FKBP1B: variants seen among roughly 807,000 people sequenced by gnomAD.
FKBP1B encodes the protein FKBP prolyl isomerase 1B.
Under a neutral mutation model 13.5 loss-of-function variants are expected in FKBP1B, and 4 were observed. The ratio of observed to expected loss-of-function variants is 0.30; its 90% CI spans 0.15 to 0.68. The LOEUF (loss-of-function observed/expected upper bound fraction) is 0.68, where lower values mean the gene tolerates loss of function less well. Among genes scored for constraint, FKBP1B ranks in the 30% least tolerant of loss-of-function variants. FKBP1B has a pLI of 0.76. For synonymous variants in FKBP1B, 54 were observed against 53.6 expected (o/e 1.01, Z -0.03); for missense variants, 93 against 136.2 (o/e 0.68, Z 1.58).
chr2:24,051,121 G>A (rs1410535087), intron 1 of FKBP1B, among the ~76,000 whole-genome samples: 5 of 152,106 alleles, frequency 3.3e-5, no homozygotes, highest in Non-Finnish European at 5.9e-5. Flanking sequence ...GGATCACAAG[G>A]TCAGGAGTTC....
chr2:24,034,852 G>A, the FKBP1B span, among the ~76,000 whole-genome samples: 11 of 151,992 alleles, frequency 7.2e-5, no homozygotes, highest in African/African-American at 2.2e-4. Context: ...TGGGGTTACA[G>A]GTTTAAGCCA....
intron 2 of FKBP1B, among the ~76,000 whole-genome samples, chr2:24,060,124 AG>A (rs1664317317): frequency 3.0e-5 from 4 of 134,044 alleles, no homozygotes; most frequent in African/African-American, 9.2e-5. Context: ...TTGTGTTTAA[AG>A]AAAAAAAAAA....
intron 2 of FKBP1B, among the ~76,000 whole-genome samples, chr2:24,060,390 A>G (rs1018390080): frequency 6.6e-6 from 1 of 152,130 alleles, no homozygotes; most frequent in Non-Finnish European, 1.5e-5. Flanking sequence ...TGTTTCTACT[A>G]AAAATACAAA....
At chr2:24,052,823 T>C (rs948416591) in intron 1 of FKBP1B, among the ~76,000 whole-genome samples, 1 of 151,894 alleles carries the variant, frequency 6.6e-6, no homozygotes, top group Admixed American at 6.6e-5. Context: ...TTAAAAAAAT[T>C]AGCTGGGCAT....
upstream of FKBP1B, among the ~76,000 whole-genome samples, chr2:24,047,672 G>A (rs1433278497): frequency 1.3e-5 from 2 of 152,114 alleles, no homozygotes; most frequent in African/African-American, 4.8e-5. Flanking sequence ...CCCACTTCTC[G>A]TCGGTTCTCT....
intron 1 of FKBP1B, 84 bp downstream of exon 1, chr2:24,049,970 T>C: frequency 8.7e-7 from 1 of 1,145,108 alleles, no homozygotes; most frequent in Non-Finnish European, 1.1e-6. Context: ...GGAGGTGGCG[T>C]GGAGGGTGCT....
intron 3 of FKBP1B, among the ~76,000 whole-genome samples, chr2:24,061,275 A>G (rs1490561414): frequency 6.6e-6 from 1 of 152,114 alleles, no homozygotes; most frequent in African/African-American, 2.4e-5. Context: ...GACTAGCCTC[A>G]CCAACATGGT....
At chr2:24,045,032 C>A (rs1334096685), upstream of FKBP1B, among the ~76,000 whole-genome samples, 4 of 151,964 alleles carry the variant, frequency 2.6e-5, no homozygotes, top group African/African-American at 7.3e-5. Flanking sequence ...CTTGGGGGAA[C>A]CAGCATATAT....
chr2:24,060,551 C>CAAAT (rs926442907), intron 2 of FKBP1B, among the ~76,000 whole-genome samples: 15 of 151,720 alleles, frequency 9.9e-5, no homozygotes, highest in South Asian at 2.1e-4. Flanking sequence ...GATTCTGTCT[C>CAAAT]AAATAAATAA....
At chr2:24,036,435 G>C in the FKBP1B span, among the ~76,000 whole-genome samples, 2 of 151,518 alleles carry the variant, frequency 1.3e-5, no homozygotes, top group Non-Finnish European at 3.0e-5. Context: ...GATCAGATTG[G>C]TGACATACGA....
At chr2:24,058,660 G>A (rs532775835) in intron 2 of FKBP1B, among the ~76,000 whole-genome samples, 190 of 152,344 alleles carry the variant, frequency 1.2e-3, no homozygotes, top group African/African-American at 4.4e-3. Flanking sequence ...GTACAAGTAT[G>A]TATCTGTGTG....
chr2:24,058,375 A>G (rs539048861), intron 2 of FKBP1B, among the ~76,000 whole-genome samples: 7 of 152,102 alleles, frequency 4.6e-5, no homozygotes, highest in East Asian at 1.9e-4. Context: ...ATATGAATAT[A>G]CTGTTGACTC....
In FKBP1B at chr2:24,063,254, C is replaced by T; in HGVS notation, c.*62C>T. ...CTGCTCACCCTCCTAGCCTGCTCTG[C>T]CACTGGGACGGCTCCTGCTTTTGGG... is the stretch of plus-strand genomic sequence containing the variant. On this transcript the variant is annotated 3_prime_UTR_variant, in exon 4 of 4. Coordinates refer to ENST00000380986, the MANE Select transcript of FKBP1B (RefSeq NM_004116.5). The T allele has an allele frequency of 1.4e-6, 2 of 1,467,944 alleles. No homozygotes were observed. Among genetic ancestry groups the T allele is most frequent in the Non-Finnish European group, 1.8e-6 (2 of 1,099,850 alleles). 90.9% of individuals were successfully genotyped at this position (1,467,944 alleles called of 1,614,324 possible).
At chr2:24,039,377 G>T in the FKBP1B span, 1 of 1,614,234 alleles carries the variant, frequency 6.2e-7, no homozygotes, top group South Asian at 1.1e-5. Context: ...CTGTGAAGCC[G>T]CAAATCAGTT....
upstream of FKBP1B, among the ~76,000 whole-genome samples, chr2:24,045,169 T>C (rs1476814552): frequency 1.3e-5 from 2 of 152,208 alleles, no homozygotes; most frequent in African/African-American, 2.4e-5. Context: ...ATTCAAGAGA[T>C]GCTTTTAAGG....
At chr2:24,060,457 C>CA (rs1264277849) in intron 2 of FKBP1B, among the ~76,000 whole-genome samples, 1 of 152,088 alleles carries the variant, frequency 6.6e-6, no homozygotes, top group African/African-American at 2.4e-5. Flanking sequence ...GAGGCTGAGG[C>CA]AGAAGAATCG....
chr2:24,054,106 A>G (rs1310316181), intron 2 of FKBP1B, 157 bp downstream of exon 2: 2 of 744,372 alleles, frequency 2.7e-6, no homozygotes, highest in Admixed American at 4.1e-5. Flanking sequence ...CCTCCCAGCC[A>G]GTCTAGTGGG....
At chr2:24,058,835 T>C (rs1249911686) in intron 2 of FKBP1B, among the ~76,000 whole-genome samples, 1 of 152,242 alleles carries the variant, frequency 6.6e-6, no homozygotes, top group African/African-American at 2.4e-5. Flanking sequence ...GTATTTGATC[T>C]TGTTAGCATC....
chr2:24,063,144 T>C lies in FKBP1B; in HGVS notation c.279T>C (p.Pro93=). ...CCACGGGCCACCCCGGTGTCATCCC[T>C]CCCAATGCCACCCTCATCTTTGACG... ...YGATGHPGVI[P]PNATLIFDVE... is the part of the protein sequence containing the mutation. The change falls in exon 4 of 4, where the codon CCT becomes CCC. Residue 93 remains proline (P), a synonymous_variant. Coordinates refer to ENST00000380986, the MANE Select transcript of FKBP1B (RefSeq NM_004116.5). 6.2e-7 allele frequency: 1 copy of C among 1,612,262 alleles called. No homozygotes were observed. The highest frequency in any genetic ancestry group is 8.5e-7 in the Non-Finnish European group (1 of 1,179,114).
Sources: gnomAD v4.1 joint callset for allele counts (sites outside exome capture counted in the v4.1 genomes callset) on GRCh38, gnomAD v4.1.1 for gene constraint, MANE v1.5 for transcripts, NCBI Gene and HGNC (gene_info 2026-07-23, HGNC 2026-07-21) for gene names.